Variants in DNER observed in about 807,000 individuals in gnomAD.
DNER encodes delta and Notch-like epidermal growth factor-related receptor.
In DNER, 33 loss-of-function variants were observed where a neutral mutation model predicts 78.2. The observed-to-expected ratio is 0.42, with a 90% CI of 0.32 to 0.56. The LOEUF (loss-of-function observed/expected upper bound fraction) is 0.56. Ranked by LOEUF, DNER falls within the 20% of genes least tolerant of loss-of-function variation. DNER has a pLI of 0.11. For synonymous variants in DNER, 417 were observed against 384.8 expected (o/e 1.08, Z -0.98); for missense variants, 918 against 975.3 (o/e 0.94, Z 0.78).
At chr2:229,583,928 C>A (rs528639118) in intron 4 of DNER, among the ~76,000 whole-genome samples, 1 of 152,222 alleles carries the variant, frequency 6.6e-6, no homozygotes, top group East Asian at 1.9e-4. Flanking sequence ...TTCTCTTTAC[C>A]TTCTTTTCAC....
chr2:229,614,211 A>G (rs1449718631), intron 1 of DNER, among the ~76,000 whole-genome samples: 1 of 151,648 alleles, frequency 6.6e-6, no homozygotes, highest in Admixed American at 6.6e-5. Context: ...TAATAATAAT[A>G]AAATAAAAAA....
chr2:229,460,322 G>A (rs1171108964), intron 7 of DNER, among the ~76,000 whole-genome samples: 1 of 151,782 alleles, frequency 6.6e-6, no homozygotes, highest in East Asian at 1.9e-4. Flanking sequence ...AAATGTTTTG[G>A]TGTTACAAGC....
chr2:229,540,344 G>C (rs911310043), intron 5 of DNER, among the ~76,000 whole-genome samples: 1 of 152,182 alleles, frequency 6.6e-6, no homozygotes, highest in Non-Finnish European at 1.5e-5. Flanking sequence ...GCTGGGGTCA[G>C]ACACTGAAGT....
intron 8 of DNER, among the ~76,000 whole-genome samples, chr2:229,428,787 T>C (rs1271229908): frequency 1.3e-5 from 2 of 151,838 alleles, no homozygotes; most frequent in African/African-American, 4.8e-5. Context: ...AAGAAAGGCC[T>C]TATGTAAGAA....
chr2:229,673,246 T>C (rs989484152), intron 1 of DNER, among the ~76,000 whole-genome samples: 5 of 152,178 alleles, frequency 3.3e-5, no homozygotes, highest in Admixed American at 1.3e-4. Flanking sequence ...TGACAGTGCC[T>C]GGCAATTGGT....
At chr2:229,426,456 A>G (rs1490638665) in intron 8 of DNER, among the ~76,000 whole-genome samples, 1 of 150,996 alleles carries the variant, frequency 6.6e-6, no homozygotes, top group African/African-American at 2.5e-5. Context: ...AAAAAAAAAA[A>G]AAAAAAAAGA....
chr2:229,661,495 A>T (rs1699010644), intron 1 of DNER, among the ~76,000 whole-genome samples: 1 of 152,210 alleles, frequency 6.6e-6, no homozygotes, highest in African/African-American at 2.4e-5. Flanking sequence ...CTCCTTATGG[A>T]CTGCTCAAAG....
intron 8 of DNER, among the ~76,000 whole-genome samples, chr2:229,435,796 C>T (rs190805288): frequency 6.6e-6 from 1 of 152,248 alleles, no homozygotes; most frequent in Admixed American, 6.5e-5. Flanking sequence ...ATCATTAAGA[C>T]TTCAGTCCAA....
chr2:229,619,820 A>G (rs17677881), intron 1 of DNER, among the ~76,000 whole-genome samples: 20,774 of 152,236 alleles, frequency 0.14, 1,828 homozygotes, highest in East Asian at 0.41. Context: ...TAAACTTACT[A>G]CATTAAATAA....
rs149170525 is a variant in DNER, at chr2:229,404,686, G to C, written c.1723+2546C>G. On this transcript the variant is annotated intron_variant, in intron 10 of 12. Transcript: ENST00000341772. ...GAAAGGAGAAGAAGATCTGAGTTTGGGGTGTCTCTGAGATTTTCAAGATAT... is the reference window on the plus strand; with the variant it reads ...GAAAGGAGAAGAAGATCTGAGTTTGCGGTGTCTCTGAGATTTTCAAGATAT... 2.2e-4 allele frequency among the ~76,000 whole-genome samples: 33 copies of C among 152,258 alleles called. No individual in the cohort carries two copies. The South Asian group carries it at 5.4e-3, about 25-fold the overall frequency.
At chr2:229,376,544 A>G (rs890235756) in intron 11 of DNER, among the ~76,000 whole-genome samples, 1 of 152,230 alleles carries the variant, frequency 6.6e-6, no homozygotes, top group Admixed American at 6.5e-5. Flanking sequence ...CAAATGTATT[A>G]TCTATCAATG....
At chr2:229,528,066 A>G (rs936410732) in intron 5 of DNER, among the ~76,000 whole-genome samples, 16 of 152,236 alleles carry the variant, frequency 1.1e-4, no homozygotes, top group African/African-American at 3.9e-4. Context: ...TCAGAAATTT[A>G]AGTATCAACT....
chr2:229,636,253 T>C (rs1315200419), intron 1 of DNER, among the ~76,000 whole-genome samples: 2 of 152,202 alleles, frequency 1.3e-5, no homozygotes, highest in Non-Finnish European at 2.9e-5. Flanking sequence ...ATCCAACAGC[T>C]GGGCTCAGTC....
At chr2:229,560,502 G>A (rs751192117) in intron 4 of DNER, among the ~76,000 whole-genome samples, 3 of 152,088 alleles carry the variant, frequency 2.0e-5, no homozygotes, top group African/African-American at 7.2e-5. Flanking sequence ...GCATTAACTC[G>A]GAGGTGGGGG....
chr2:229,371,410 T>C (rs1369765326), intron 11 of DNER, among the ~76,000 whole-genome samples: 1 of 152,202 alleles, frequency 6.6e-6, no homozygotes, highest in African/African-American at 2.4e-5. Flanking sequence ...GATGGGTTCA[T>C]CTCATCAGCC....
chr2:229,538,248 G>GCTATTAGCAAATAAACATAA (rs1406778846), intron 5 of DNER, among the ~76,000 whole-genome samples: 2 of 152,202 alleles, frequency 1.3e-5, no homozygotes, highest in African/African-American at 4.8e-5. Context: ...ACATATCTCA[G>GCTATTAGCAAATAAACATAA]ACATCTTCAC....
chr2:229,658,470 C>T (rs905808536), intron 1 of DNER, among the ~76,000 whole-genome samples: 1 of 152,122 alleles, frequency 6.6e-6, no homozygotes, highest in Non-Finnish European at 1.5e-5. Flanking sequence ...TTCTCTCTGG[C>T]AATATTTTGT....
chr2:229,552,614 CGAA>C (rs1276486625), intron 4 of DNER, among the ~76,000 whole-genome samples: 3 of 152,092 alleles, frequency 2.0e-5, no homozygotes, highest in Admixed American at 6.5e-5. Context: ...TGCCACCATG[CGAA>C]GAAGGACATG....
At chr2:229,646,264 C>T (rs1574941883) in intron 1 of DNER, among the ~76,000 whole-genome samples, 1 of 152,260 alleles carries the variant, frequency 6.6e-6, no homozygotes, top group East Asian at 1.9e-4. Context: ...CCAACAAGCA[C>T]AGACTAGCAT....
Sources: gnomAD v4.1 joint callset for allele counts (sites outside exome capture counted in the v4.1 genomes callset) on GRCh38, gnomAD v4.1.1 for gene constraint, MANE v1.5 for transcripts, NCBI Gene and HGNC (gene_info 2026-07-23, HGNC 2026-07-21) for gene names.